OCA2: variants seen among roughly 807,000 people sequenced by gnomAD.
OCA2 encodes the protein OCA2 melanosomal transmembrane protein.
OCA2 carries 77 observed loss-of-function variants against 100.2 expected under a neutral mutation model. That is an observed-to-expected ratio of 0.77 (90% CI 0.64 to 0.93). The LOEUF is 0.93. Among genes scored for constraint, OCA2 ranks in the 40% least tolerant of loss-of-function variants. The probability of loss-of-function intolerance (pLI) is 0.00; values close to 1 mark genes in which losing one functional copy is unlikely to be tolerated. For missense variants in OCA2, 1,062 were observed against 1,089.1 expected (o/e 0.98, Z 0.35); for synonymous variants, 432 against 439.2 (o/e 0.98, Z 0.21).
At chr15:27,896,123 C>CATCCATATAGCAGG in intron 19 of OCA2, 1 of 1,059,098 alleles carries the variant, frequency 9.4e-7, no homozygotes, top group Non-Finnish European at 1.4e-6. Flanking sequence ...CCTTTACCTG[C>CATCCATATAGCAGG]TATATGGATG....
At chr15:28,082,712 C>T (rs2044686604) in intron 1 of OCA2, among the ~76,000 whole-genome samples, 1 of 152,056 alleles carries the variant, frequency 6.6e-6, no homozygotes, top group South Asian at 2.1e-4. Flanking sequence ...AAAGACACAC[C>T]CTCCAAAACA....
chr15:27,765,099 C>G (rs368630795), intron 23 of OCA2, among the ~76,000 whole-genome samples: 4 of 152,210 alleles, frequency 2.6e-5, no homozygotes, highest in African/African-American at 9.6e-5. Flanking sequence ...TGTGAACTGT[C>G]AAGGTGCTGG....
At chr15:28,055,509 C>T (rs2043664016) in intron 2 of OCA2, among the ~76,000 whole-genome samples, 1 of 152,196 alleles carries the variant, frequency 6.6e-6, no homozygotes, top group Admixed American at 6.5e-5. Flanking sequence ...AGGTACTGAA[C>T]ATCCATGGAA....
chr15:27,885,120 A>G (rs1007538034), intron 19 of OCA2, among the ~76,000 whole-genome samples: 6 of 152,246 alleles, frequency 3.9e-5, no homozygotes, highest in African/African-American at 7.2e-5. Flanking sequence ...ATAGTTTATG[A>G]GGAAAGGTAA....
intron 18 of OCA2, among the ~76,000 whole-genome samples, chr15:27,934,652 G>A (rs1339431138): frequency 6.6e-6 from 1 of 152,154 alleles, no homozygotes; most frequent in African/African-American, 2.4e-5. Context: ...AGAAATTTCA[G>A]TCATGACAAA....
At chr15:27,888,720 G>C (rs562190405) in intron 19 of OCA2, among the ~76,000 whole-genome samples, 13 of 152,008 alleles carry the variant, frequency 8.6e-5, no homozygotes, top group Non-Finnish European at 1.6e-4. Context: ...AACATCCTAA[G>C]AGCAATCTCT....
At chr15:27,932,498 G>C (rs1025592041) in intron 18 of OCA2, among the ~76,000 whole-genome samples, 3 of 152,136 alleles carry the variant, frequency 2.0e-5, no homozygotes, top group Non-Finnish European at 4.4e-5. Context: ...GGGCGGTGGG[G>C]GCAGGCAGAG....
At chr15:27,929,706 C>T (rs2039173244) in intron 18 of OCA2, among the ~76,000 whole-genome samples, 1 of 151,636 alleles carries the variant, frequency 6.6e-6, no homozygotes, top group African/African-American at 2.4e-5. Context: ...AGAAATGCCA[C>T]AAACTGGGAG....
intron 19 of OCA2, among the ~76,000 whole-genome samples, chr15:27,908,667 G>T (rs141261560): frequency 6.6e-6 from 1 of 152,130 alleles, no homozygotes; most frequent in African/African-American, 2.4e-5. Context: ...CTTCCTTCTC[G>T]CTCTTCCTCC....
At chr15:27,963,525 A>T (rs1244576205) in intron 15 of OCA2, among the ~76,000 whole-genome samples, 2 of 152,166 alleles carry the variant, frequency 1.3e-5, no homozygotes, top group African/African-American at 2.4e-5. Flanking sequence ...TTATCCAAGG[A>T]TCAAAGAAAA....
chr15:27,842,941 T>C (rs914532224), intron 23 of OCA2, among the ~76,000 whole-genome samples: 2 of 152,234 alleles, frequency 1.3e-5, no homozygotes, highest in African/African-American at 2.4e-5. Flanking sequence ...GCACTTTACA[T>C]GTCCCAGGTG....
At chr15:27,895,250 T>G (rs569063950) in intron 19 of OCA2, among the ~76,000 whole-genome samples, 1 of 152,310 alleles carries the variant, frequency 6.6e-6, no homozygotes, top group East Asian at 1.9e-4. Context: ...CTGGTGTGTC[T>G]TTATTAGCAG....
intron 2 of OCA2, among the ~76,000 whole-genome samples, chr15:28,039,857 A>G (rs1053853690): frequency 3.3e-5 from 5 of 151,922 alleles, no homozygotes; most frequent in Non-Finnish European, 7.4e-5. Flanking sequence ...ACATGGTGAA[A>G]CCCTGTCTCT....
At chr15:27,980,572 G>A (rs1380132917) in intron 14 of OCA2, among the ~76,000 whole-genome samples, 1 of 152,134 alleles carries the variant, frequency 6.6e-6, no homozygotes, top group Non-Finnish European at 1.5e-5. Context: ...ATGTGGGTCT[G>A]CTGCTGATGC....
chr15:27,740,123 T>A, the OCA2 span, among the ~76,000 whole-genome samples: 1 of 152,214 alleles, frequency 6.6e-6, no homozygotes, highest in African/African-American at 2.4e-5. Context: ...GCTATTTACA[T>A]CTGCTTCCAT....
In OCA2 at chr15:27,845,034, C is replaced by A; in HGVS notation, c.2357G>T (p.Gly786Val). 6.2e-7 allele frequency: 1 copy of A among 1,613,834 alleles called. No individual in the cohort carries two copies. The highest frequency in any genetic ancestry group is 8.5e-7 in the Non-Finnish European group (1 of 1,179,850). Residue 786 changes from glycine to valine, a missense_variant, in exon 23 of 24, where the codon GGC becomes GTC. Coordinates refer to ENST00000354638, the MANE Select transcript of OCA2 (RefSeq NM_000275.3). ...ACLGGNGTLI[G>V]ASANVVCAGI... ...TGCACACACGACGTTTGCCGACGCG[C>A]CAATCAGTGTCCCGTTACCTAAAGT... is the stretch of plus-strand genomic sequence containing the variant.
At chr15:27,777,120 A>C (rs2151073358) in intron 23 of OCA2, among the ~76,000 whole-genome samples, 1 of 152,172 alleles carries the variant, frequency 6.6e-6, no homozygotes, top group African/African-American at 2.4e-5. Flanking sequence ...CTGAGTTTAC[A>C]GGCGAGCATT....
At chr15:27,887,020 A>G (rs1161200930) in intron 19 of OCA2, among the ~76,000 whole-genome samples, 1 of 152,120 alleles carries the variant, frequency 6.6e-6, no homozygotes, top group Non-Finnish European at 1.5e-5. Flanking sequence ...AGCTGTTCTC[A>G]TGACAGTGAA....
chr15:28,069,538 G>C (rs186814845), intron 2 of OCA2, among the ~76,000 whole-genome samples: 1 of 137,210 alleles, frequency 7.3e-6, no homozygotes, highest in Non-Finnish European at 1.6e-5. Flanking sequence ...TCAGTCTGCC[G>C]AATGCCTGCG....
Sources: gnomAD v4.1 joint callset for allele counts (sites outside exome capture counted in the v4.1 genomes callset) on GRCh38, gnomAD v4.1.1 for gene constraint, MANE v1.5 for transcripts, NCBI Gene and HGNC (gene_info 2026-07-23, HGNC 2026-07-21) for gene names.